The following VCF2 variants were observed in gnomAD, a reference collection of about 807,000 sequenced individuals.
VCF2 encodes VCP nuclear cofactor family member 2.
the VCF2 span, chrX:55,145,407 C>G: frequency 2.7e-6 from 2 of 753,773 alleles, no homozygotes; most frequent in African/African-American, 4.6e-5. Context: ...CAGAAGGTAT[C>G]TAAGTATACA....
At chrX:55,157,951 C>G in the VCF2 span, among the ~76,000 whole-genome samples, 1 of 112,552 alleles carries the variant, frequency 8.9e-6, no homozygotes, top group African/African-American at 3.2e-5. Context: ...TACCTATGTA[C>G]TAGGGTTTTT....
At chrX:55,146,905 T>C in the VCF2 span, among the ~76,000 whole-genome samples, 2 of 112,670 alleles carry the variant, frequency 1.8e-5, no homozygotes, top group Non-Finnish European at 3.8e-5. Flanking sequence ...GCATTTGACA[T>C]ACTTTTAGTT....
the VCF2 span, among the ~76,000 whole-genome samples, chrX:55,149,696 C>T: frequency 9.0e-5 from 10 of 110,963 alleles, no homozygotes; most frequent in African/African-American, 1.6e-4. Flanking sequence ...GTTTTCTTGG[C>T]GCATTAACCC....
chrX:55,145,925 C>T, the VCF2 span: 1 of 1,034,828 alleles, frequency 9.7e-7, no homozygotes, highest in Non-Finnish European at 1.2e-6. Context: ...TATTCACAGC[C>T]CCTTTAAAAG....
the VCF2 span, chrX:55,143,694 A>C: frequency 1.4e-6 from 1 of 689,732 alleles, no homozygotes; most frequent in Non-Finnish European, 2.2e-6. Context: ...TGACCCAGGA[A>C]GCCCAGCTGG....
the VCF2 span, chrX:55,145,778 T>A: frequency 1.4e-5 from 11 of 798,981 alleles, no homozygotes; most frequent in African/African-American, 2.0e-4. Context: ...TGGAAATCAA[T>A]CTGAATTGGA....
chrX:55,144,387 A>G, the VCF2 span, among the ~76,000 whole-genome samples: 2 of 111,766 alleles, frequency 1.8e-5, no homozygotes, highest in Non-Finnish European at 3.8e-5. Flanking sequence ...TCTTCTCACC[A>G]TACATCTGGT....
chrX:55,160,812 G>A, the VCF2 span: 2 of 1,151,034 alleles, frequency 1.7e-6, no homozygotes, highest in South Asian at 1.9e-5. Context: ...GAGTTTTCGC[G>A]AGGGACCACA....
chrX:55,157,647 A>T, the VCF2 span, among the ~76,000 whole-genome samples: 4 of 112,230 alleles, frequency 3.6e-5, no homozygotes, highest in Non-Finnish European at 3.8e-5. Flanking sequence ...CTCTAATTTT[A>T]AATGTATTTG....
chrX:55,155,833 C>T, the VCF2 span, among the ~76,000 whole-genome samples: 6 of 110,731 alleles, frequency 5.4e-5, no homozygotes, highest in South Asian at 1.1e-3. Flanking sequence ...TACAGAATAT[C>T]TTCACAAAAA....
chrX:55,154,158 C>T, the VCF2 span, among the ~76,000 whole-genome samples: 1 of 111,577 alleles, frequency 9.0e-6, no homozygotes, highest in South Asian at 3.7e-4. Context: ...GCTCTTGCTC[C>T]ATCACCCAGG....
chrX:55,146,021 T>G, the VCF2 span: 3 of 1,154,932 alleles, frequency 2.6e-6, no homozygotes, highest in Non-Finnish European at 3.5e-6. Context: ...TAGACTTTTT[T>G]TGGTGTGTAT....
the VCF2 span, among the ~76,000 whole-genome samples, chrX:55,151,836 C>CTT: frequency 2.8e-5 from 3 of 108,274 alleles, no homozygotes; most frequent in African/African-American, 1.0e-4. Flanking sequence ...CTTTCCTTTC[C>CTT]TTTTTTTCCA....
At chrX:55,156,385 T>TATG in the VCF2 span, among the ~76,000 whole-genome samples, 18 of 112,214 alleles carry the variant, frequency 1.6e-4, no homozygotes, top group African/African-American at 5.5e-4. Context: ...GGAATAATAA[T>TATG]ATGATGCTTA....
the VCF2 span, among the ~76,000 whole-genome samples, chrX:55,152,143 G>A: frequency 9.1e-6 from 1 of 109,948 alleles, no homozygotes; most frequent in Non-Finnish European, 1.9e-5. Context: ...CGCCCGCCTC[G>A]GCCTCCCAAA....
At chrX:55,156,802 C>A in the VCF2 span, among the ~76,000 whole-genome samples, 1 of 110,186 alleles carries the variant, frequency 9.1e-6, no homozygotes, top group African/African-American at 3.3e-5. Context: ...TGTTTCAATT[C>A]AGTAAATGGG....
chrX:55,150,379 C>T, the VCF2 span, among the ~76,000 whole-genome samples: 1 of 111,258 alleles, frequency 9.0e-6, no homozygotes, highest in African/African-American at 3.3e-5. Flanking sequence ...GAACACACAG[C>T]CTAGATCCCT....
At chrX:55,160,944 G>A in the VCF2 span, 379 of 1,162,091 alleles carry the variant, frequency 3.3e-4, no homozygotes, top group Non-Finnish European at 4.3e-4. Context: ...CACGAGGCAA[G>A]CAGGGCCGCG....
At chrX:55,159,312 C>A in the VCF2 span, 1 of 748,006 alleles carries the variant, frequency 1.3e-6, no homozygotes, top group Non-Finnish European at 1.9e-6. Flanking sequence ...TGACAACATA[C>A]ATATATGAGA....
Sources: allele counts gnomAD v4.1 joint callset (sites outside exome capture counted in the v4.1 genomes callset), GRCh38; gene constraint gnomAD v4.1.1; transcripts MANE v1.5; gene names NCBI Gene and HGNC (gene_info 2026-07-23, HGNC 2026-07-21).